The following HAS3 variants were observed in gnomAD, a reference collection of about 807,000 sequenced individuals.
HAS3 encodes the protein hyaluronan synthase 3.
Under a neutral mutation model 50.3 loss-of-function variants are expected in HAS3, and 27 were observed. That is an observed-to-expected ratio of 0.54 (90% CI 0.40 to 0.74). The LOEUF (loss-of-function observed/expected upper bound fraction) is 0.74. Ranked by LOEUF, HAS3 falls within the 30% of genes least tolerant of loss-of-function variation. HAS3 has a pLI of 0.00. For missense variants in HAS3, 517 were observed against 742.8 expected, an observed-to-expected ratio of 0.70 and a Z score of 3.53; for synonymous variants, 339 against 310.9, an observed-to-expected ratio of 1.09 and a Z score of -0.95.
rs1404020068 is a variant in HAS3, at chr16:69,114,614, C to G, written c.1010C>G (p.Ser337Cys). The change falls in exon 4 of 4, where the codon TCC (serine) becomes TGC (cysteine). Residue 337 changes from serine to cysteine, a missense_variant. Ser to Cys is a moderately radical substitution (Grantham distance 112, BLOSUM62 -1). Coordinates refer to ENST00000569188, the MANE Select transcript of HAS3 (RefSeq NM_001199280.2). The surrounding 1 kb of genome is among the most constrained non-coding windows in gnomAD (Gnocchi z 6.4). Reference sequence around the variant, plus strand: ...TACCGAACTAAGTATACCGCGCGCTCCAAGTGCCTCACAGAGACCCCCACT... The same window carrying G: ...TACCGAACTAAGTATACCGCGCGCTGCAAGTGCCTCACAGAGACCCCCACT... ...LGYRTKYTAR[S>C]KCLTETPTKY... 6.2e-7 allele frequency: 1 copy of G among 1,613,944 alleles called. No individual in the cohort carries two copies. The highest frequency in any genetic ancestry group is 8.5e-7 in the Non-Finnish European group (1 of 1,180,040).
rs968412717 is a variant in HAS3 at position 69,116,913 on chromosome 16, T to C, written c.*1647T>C. 61 of 985,428 alleles carry C rather than the reference T, an allele frequency of 6.2e-5. No homozygotes were observed. The African/African-American group carries it at 9.1e-4, about 15-fold the overall frequency. The allele number at this position is 985,428 out of a possible 1,614,324, so 61.0% of individuals were successfully genotyped here. On this transcript the variant is annotated 3_prime_UTR_variant, in exon 4 of 4. Transcript: ENST00000569188. Reference sequence around the variant, plus strand: ...AGCAGACAAGAGGGCAAGCCTCTAGTGTACCAAGTGCTTCCTACAAAGACG... The same window carrying C: ...AGCAGACAAGAGGGCAAGCCTCTAGCGTACCAAGTGCTTCCTACAAAGACG...
At chr16:69,118,039 G>A, downstream of HAS3, 1 of 397,100 alleles carries the variant, frequency 2.5e-6, no homozygotes, top group South Asian at 3.2e-5. Context: ...TAAAGAAACA[G>A]TAAGAAAAGA....
Position 69,116,402 on chromosome 16 carries a change from A to G in HAS3, c.*1136A>G. ...TACAATCTTGGAGCTGCTTGGACGG[A>G]TTCCTTGGCAGCCGGGTTAGCATGT... On this transcript the variant is annotated 3_prime_UTR_variant, in exon 4 of 4. Transcript: ENST00000569188. The G allele has an allele frequency of 3.0e-6, 3 of 985,798 alleles. No homozygotes were observed. Among genetic ancestry groups the G allele is most frequent in the Non-Finnish European group, 3.6e-6 (3 of 829,850 alleles). 61.1% of individuals were successfully genotyped at this position (985,798 alleles called of 1,614,324 possible).
the HAS3 span, among the ~76,000 whole-genome samples, chr16:69,089,260 T>C: frequency 2.0e-5 from 3 of 152,222 alleles, no homozygotes; most frequent in Non-Finnish European, 4.4e-5. Context: ...AGTGGATCAA[T>C]TGATAAGTCG....
rs1299757146 is a variant in HAS3 at position 69,109,765 on chromosome 16, G to A, written c.370G>A (p.Gly124Ser). The part of the protein sequence containing the change: ...PDLKVVMVVD[G>S]NRQEDAYMLD... ...CCTCAAGGTGGTCATGGTGGTGGAT[G>A]GCAACCGCCAGGAGGACGCCTACAT... Residue 124 changes from glycine to serine, a missense_variant, in exon 2 of 4, where the codon GGC becomes AGC. Gly to Ser is a moderately conservative substitution (Grantham distance 56). Transcript: ENST00000569188. This position sits in a 1 kb window ranked among gnomAD's most constrained non-coding sequence, Gnocchi z 5.3. The A allele has an allele frequency of 1.9e-6, 3 of 1,611,668 alleles. 1 individual carries two copies. The South Asian group carries it at 3.3e-5, about 18-fold the overall frequency.
upstream of HAS3, among the ~76,000 whole-genome samples, chr16:69,102,344 T>C (rs1960705650): frequency 1.3e-5 from 2 of 152,198 alleles, no homozygotes; most frequent in Admixed American, 1.3e-4. Context: ...GGTGTGGAAT[T>C]AGCCCTATTT....
At chr16:69,096,408 C>T in the HAS3 span, among the ~76,000 whole-genome samples, 21 of 148,830 alleles carry the variant, frequency 1.4e-4, no homozygotes, top group East Asian at 2.7e-3. Context: ...TGGTGGCACA[C>T]GCCTCTAGTC....
At chr16:69,083,847 G>A in the HAS3 span, 398 of 590,088 alleles carry the variant, frequency 6.7e-4, no homozygotes, top group East Asian at 8.5e-3. Flanking sequence ...CAGCACTCCC[G>A]CGTTCAGCCT....
chr16:69,105,015 T>TTTTTTTTTTTTTTTTTTG, upstream of HAS3, among the ~76,000 whole-genome samples: 1 of 102,228 alleles, frequency 9.8e-6, no homozygotes, highest in Non-Finnish European at 2.1e-5. Context: ...TTTTTTTTTT[T>TTTTTTTTTTTTTTTTTTG]TTTTTTTTTG....
rs953460532 is a variant in HAS3, at chr16:69,114,137, CAGT to C, written c.739-203_739-201del. Among the ~76,000 whole-genome samples the C allele has an allele frequency of 2.0e-5, 3 of 152,162 alleles. No individual in the cohort carries two copies. Among genetic ancestry groups the C allele is most frequent in the Non-Finnish European group, 4.4e-5 (3 of 68,022 alleles). ...GAAAATCTCTGCAGATAAGATGACA[CAGT>C]AGGGAGGTAGAGCTGGTGCTGGGGA... On this transcript the variant is annotated intron_variant, in intron 3 of 3. Transcript: ENST00000569188. The surrounding 1 kb of genome is among the most constrained non-coding windows in gnomAD (Gnocchi z 6.4).
At chr16:69,103,931 C>T (rs1041699740), upstream of HAS3, among the ~76,000 whole-genome samples, 2 of 152,186 alleles carry the variant, frequency 1.3e-5, no homozygotes, top group Admixed American at 6.5e-5. Context: ...GAGCCCTCCC[C>T]TCCACCAACC....
rs1960781451 is a variant in HAS3 at position 69,106,076 on chromosome 16, C to A, written c.-1+289C>A. Among the ~76,000 whole-genome samples the A allele has an allele frequency of 6.6e-6, 1 of 152,244 alleles. No individual in the cohort carries two copies. Among genetic ancestry groups the A allele is most frequent in the South Asian group, 2.1e-4 (1 of 4,834 alleles). On this transcript the variant is annotated intron_variant, in intron 1 of 3. Transcript: ENST00000569188. The surrounding 1 kb of genome is among the most constrained non-coding windows in gnomAD (Gnocchi z 5.5). ...GTCCCCGCCGAGCGCTGGCTTGTGG[C>A]GCTCCCTGGGACCGCGCGGGGTCGG...
Position 69,117,507 on chromosome 16 carries a change from T to C in HAS3, c.*2241T>C, listed in dbSNP as rs1597102450. 2 of 959,620 alleles carry C rather than the reference T, an allele frequency of 2.1e-6. No individual in the cohort carries two copies. The highest frequency in any genetic ancestry group is 1.2e-4 in the East Asian group (1 of 8,662). 59.4% of individuals were successfully genotyped at this position (959,620 alleles called of 1,614,324 possible). A position where few individuals can be genotyped will look rare whatever the true frequency, so the allele number is the denominator to read the frequency against. ...CAATTGGACGCATTTTGGTTTTTCC[T>C]CATTGAGAATTCAAATCCTCTTTTG... On this transcript the variant is annotated 3_prime_UTR_variant, in exon 4 of 4. Coordinates refer to ENST00000569188, the MANE Select transcript of HAS3 (RefSeq NM_001199280.2).
At position 69,109,649 on chromosome 16, in the gene HAS3, G is replaced by A. The variant is rs748694312; in HGVS notation, c.254G>A (p.Gly85Asp). The part of the protein sequence containing the change: ...QALKLPSPRR[G>D]SVALCIAAYQ... Reference sequence around the variant, plus strand: ...CTGAAGCTGCCCTCCCCGCGGCGGGGCTCGGTGGCACTGTGCATTGCCGCA... The same window carrying A: ...CTGAAGCTGCCCTCCCCGCGGCGGGACTCGGTGGCACTGTGCATTGCCGCA... Residue 85 changes from glycine to aspartate, a missense_variant, in exon 2 of 4, where the codon GGC (glycine) becomes GAC (aspartate). Physicochemically the swap from Gly to Asp is moderately conservative, Grantham distance 94. Transcript: ENST00000569188. This position sits in a 1 kb window ranked among gnomAD's most constrained non-coding sequence, Gnocchi z 5.3. 6.2e-7 allele frequency: 1 copy of A among 1,609,924 alleles called. No homozygotes were observed. Among genetic ancestry groups the A allele is most frequent in the Non-Finnish European group, 8.5e-7 (1 of 1,179,664 alleles).
downstream of HAS3, chr16:69,118,377 T>A (rs1204151570): frequency 6.2e-7 from 1 of 1,610,792 alleles, no homozygotes; most frequent in Non-Finnish European, 8.5e-7. Context: ...GGTATGGCAG[T>A]AGAGGATGAC....
At chr16:69,110,155 AGAAG>A in intron 2 of HAS3, 124 bp downstream of exon 2, 1 of 987,770 alleles carries the variant, frequency 1.0e-6, no homozygotes, top group East Asian at 2.6e-5. Context: ...TGTGCACTTA[AGAAG>A]GCAACAAGGT....
At chr16:69,096,775 G>A in the HAS3 span, among the ~76,000 whole-genome samples, 1 of 151,570 alleles carries the variant, frequency 6.6e-6, no homozygotes, top group Non-Finnish European at 1.5e-5. Context: ...GCACCACCAC[G>A]CCCAGCTGAT....
At chr16:69,089,537 C>A in the HAS3 span, among the ~76,000 whole-genome samples, 1 of 152,224 alleles carries the variant, frequency 6.6e-6, no homozygotes, top group Admixed American at 6.5e-5. Context: ...AGCAGCCACA[C>A]TGCAGTGCGC....
upstream of HAS3, among the ~76,000 whole-genome samples, chr16:69,103,002 C>CGTGTGTGT (rs1555531811): frequency 5.2e-5 from 6 of 115,170 alleles, no homozygotes; most frequent in Admixed American, 3.4e-4. Context: ...GTGGAGTGTG[C>CGTGTGTGT]ATGTGTGTGT....
Sources: gnomAD v4.1 joint callset for allele counts (sites outside exome capture counted in the v4.1 genomes callset) on GRCh38, gnomAD v4.1.1 for gene constraint, Gnocchi (gnomAD v3.1) non-coding constraint, MANE v1.5 for transcripts, NCBI Gene and HGNC (gene_info 2026-07-23, HGNC 2026-07-21) for gene names.